The following NLRP5 variants were observed in gnomAD, a reference collection of about 807,000 sequenced individuals.
NLRP5 encodes NLR family pyrin domain containing 5, also known as NACHT, LRR and PYD domains-containing protein 5.
In NLRP5, 93 loss-of-function variants were observed where a neutral mutation model predicts 113.1. That is an observed-to-expected ratio of 0.82 (90% CI 0.70 to 0.98). The LOEUF (loss-of-function observed/expected upper bound fraction) is 0.98, where lower values mean the gene tolerates loss of function less well. Among genes scored for constraint, NLRP5 ranks in the 50% least tolerant of loss-of-function variants. The pLI is 0.00. For missense variants in NLRP5, 1,808 were observed against 1,514.3 expected, an observed-to-expected ratio of 1.19 and a Z score of -3.22; for synonymous variants, 751 against 600.7, an observed-to-expected ratio of 1.25 and a Z score of -3.66.
intron 3 of NLRP5, among the ~76,000 whole-genome samples, chr19:56,015,284 C>T (rs1379103423): frequency 1.3e-5 from 2 of 152,126 alleles, no homozygotes; most frequent in Non-Finnish European, 2.9e-5. Context: ...AAACCTCTGC[C>T]TCCTGGGTTC....
Position 56,027,651 on chromosome 19 carries a change from TG to T in NLRP5, c.1421del (p.Gly474AlafsTer55). 2 of 1,613,534 alleles carry T rather than the reference TG, an allele frequency of 1.2e-6. No homozygotes were observed. Among genetic ancestry groups the T allele is most frequent in the South Asian group, 2.2e-5 (2 of 91,084 alleles). On this transcript the variant is annotated frameshift_variant, in exon 7 of 15. Transcript: ENST00000390649. LOFTEE classifies it high-confidence loss of function. ...CTCGACCAGTGCCAGGTGCCCGCCG[TG>T]GGCTCTCTCATCTGCGTGGCCCTGC...
intron 11 of NLRP5, among the ~76,000 whole-genome samples, chr19:56,049,899 G>T (rs544483408): frequency 3.3e-5 from 5 of 152,046 alleles, no homozygotes; most frequent in Non-Finnish European, 7.4e-5. Flanking sequence ...TGTGATTTTG[G>T]GGGGATGTTA....
rs569377704 is a variant in NLRP5 at position 56,027,486 on chromosome 19, A to C, written c.1253A>C (p.Lys418Thr). Residue 418 changes from lysine to threonine, a missense_variant, in exon 7 of 15, where the codon AAG becomes ACG. Coordinates refer to ENST00000390649, the MANE Select transcript of NLRP5 (RefSeq NM_153447.4). ...AGAGACGTGGGCACAGAGAAGCTCA[A>C]GTCAGAGGTCGTGTCTCCCCGTTAC... The C allele has an allele frequency of 5.0e-6, 8 of 1,613,936 alleles. No homozygotes were observed. The South Asian group carries it at 7.7e-5, about 16-fold the overall frequency.
At chr19:56,014,866 T>C (rs551892766) in intron 3 of NLRP5, among the ~76,000 whole-genome samples, 10 of 152,202 alleles carry the variant, frequency 6.6e-5, no homozygotes, top group Non-Finnish European at 1.5e-4. Context: ...GACTTCAAGA[T>C]AGATTGGCTA....
At chr19:56,005,107 A>AAAATATATATATATATATAT (rs1173746273) in intron 2 of NLRP5, among the ~76,000 whole-genome samples, 3 of 95,324 alleles carry the variant, frequency 3.1e-5, no homozygotes, top group Admixed American at 1.1e-4. Flanking sequence ...AAAAAAAAAA[A>AAAATATATATATATATATAT]ATATATATAT....
chr19:56,008,236 G>C (rs868216087), intron 2 of NLRP5, among the ~76,000 whole-genome samples: 1 of 152,046 alleles, frequency 6.6e-6, no homozygotes, highest in South Asian at 2.1e-4. Context: ...CCACAAGACA[G>C]TTTTTAAGAA....
chr19:56,033,616 C>T lies in NLRP5; in HGVS notation c.2522C>T (p.Ser841Phe), dbSNP rs1220164982. Residue 841 changes from serine to phenylalanine, a missense_variant, in exon 9 of 15, where the codon TCC becomes TTC. By Grantham distance (155) the Ser-to-Phe change is radical. Coordinates refer to ENST00000390649, the MANE Select transcript of NLRP5 (RefSeq NM_153447.4). ...GTCATGGCCAACCGTAACCTAAGAT[C>T]CCTCAACTTGGGAGGCACCCACCTG... 3.7e-6 allele frequency: 6 copies of T among 1,613,690 alleles called. No homozygotes were observed. The highest frequency in any genetic ancestry group is 5.1e-6 in the Non-Finnish European group (6 of 1,179,628).
intron 3 of NLRP5, among the ~76,000 whole-genome samples, chr19:56,013,596 G>GGTTTTCT (rs1555765383): frequency 0.012 from 718 of 59,318 alleles, 17 homozygotes; most frequent in Middle Eastern, 0.029. Context: ...GGACATTTGG[G>GGTTTTCT]TTTTTTTTTT....
At chr19:56,019,251 T>C in intron 4 of NLRP5, 91 bp from the exon 5 acceptor site, 1 of 1,397,584 alleles carries the variant, frequency 7.2e-7, no homozygotes, top group Non-Finnish European at 1.0e-6. Context: ...AGAAAATAAA[T>C]ATGGCATGAC....
chr19:56,033,102 T>C (rs1167874879), intron 8 of NLRP5, among the ~76,000 whole-genome samples: 1 of 151,704 alleles, frequency 6.6e-6, no homozygotes, highest in Non-Finnish European at 1.5e-5. Context: ...AAAAAAAAAA[T>C]TAGCAGGGCA....
intron 11 of NLRP5, among the ~76,000 whole-genome samples, chr19:56,045,788 AG>A (rs1402892021): frequency 2.6e-5 from 4 of 152,146 alleles, no homozygotes; most frequent in African/African-American, 9.7e-5. Flanking sequence ...ACAAGGTGGG[AG>A]GGGTCACAGG....
Position 56,027,348 on chromosome 19 carries a change from A to C in NLRP5, c.1115A>C (p.Asn372Thr), listed in dbSNP as rs571037392. 24 of 1,613,154 alleles carry C rather than the reference A, an allele frequency of 1.5e-5. No individual in the cohort carries two copies. The highest frequency in any genetic ancestry group is 1.5e-4 in the African/African-American group (11 of 74,926). Residue 372 changes from asparagine to threonine, a missense_variant, in exon 7 of 15, where the codon AAC becomes ACC. By Grantham distance (65) the Asn-to-Thr change is moderately conservative. Transcript: ENST00000390649. ...TTCGATGACCTGGGCTCTGTCCTCA[A>C]CAATGACACAAAGCTCTGCAAAGAC...
At chr19:56,002,674 A>T (rs201275909) in intron 1 of NLRP5, among the ~76,000 whole-genome samples, 2,059 of 132,946 alleles carry the variant, frequency 0.015, 19 homozygotes, top group African/African-American at 0.025. Context: ...GTCCAAGTGT[A>T]CTCATTGTTC....
intron 4 of NLRP5, among the ~76,000 whole-genome samples, 168 bp downstream of exon 4, chr19:56,015,966 A>G (rs1317397503): frequency 6.6e-6 from 1 of 152,128 alleles, no homozygotes; most frequent in Middle Eastern, 3.2e-3. Context: ...AGCACCATGG[A>G]CAGAACCTTG....
rs769276313 is a variant in NLRP5, at chr19:56,027,513, TGTTA to T, written c.1286_1289del (p.Val429GlufsTer30). 58 of 1,613,828 alleles carry T rather than the reference TGTTA, an allele frequency of 3.6e-5. 1 individual carries two copies. Among genetic ancestry groups the T allele is most frequent in the Middle Eastern group, 1.6e-4 (1 of 6,084 alleles). Reference sequence around the variant, plus strand: ...TCAGAGGTCGTGTCTCCCCGTTACCTGTTAGTTAGAGGAATCTCCGGGGAACAAA... The same window carrying T: ...TCAGAGGTCGTGTCTCCCCGTTACCTGTTAGAGGAATCTCCGGGGAACAAA... On this transcript the variant is annotated frameshift_variant, in exon 7 of 15. Transcript: ENST00000390649. LOFTEE classifies it high-confidence loss of function.
At chr19:55,997,559 T>C (rs546243323), upstream of NLRP5, among the ~76,000 whole-genome samples, 27 of 152,276 alleles carry the variant, frequency 1.8e-4, no homozygotes, top group South Asian at 5.6e-3. Context: ...TAGCTGGGCA[T>C]GGTGGCTCAT....
chr19:56,016,006 T>C (rs1800016486), intron 4 of NLRP5, among the ~76,000 whole-genome samples: 1 of 152,150 alleles, frequency 6.6e-6, no homozygotes, highest in Non-Finnish European at 1.5e-5. Context: ...TTCACTACAG[T>C]TTTTTATTTT....
the NLRP5 span, among the ~76,000 whole-genome samples, chr19:55,991,492 C>G: frequency 6.6e-6 from 1 of 152,058 alleles, no homozygotes; most frequent in Admixed American, 6.6e-5. Context: ...CCACATTGAG[C>G]CTTTTATCTA....
chr19:55,998,363 T>G (rs1213093380), upstream of NLRP5, among the ~76,000 whole-genome samples: 1 of 151,868 alleles, frequency 6.6e-6, no homozygotes, highest in Non-Finnish European at 1.5e-5. Context: ...TTTCTAAAAA[T>G]ATATATGAGG....
Sources: allele counts gnomAD v4.1 joint callset (sites outside exome capture counted in the v4.1 genomes callset), GRCh38; gene constraint gnomAD v4.1.1; transcripts MANE v1.5; gene names NCBI Gene and HGNC (gene_info 2026-07-23, HGNC 2026-07-21).